The following GABRB1 variants were observed in gnomAD, a reference collection of about 807,000 sequenced individuals.
GABRB1 encodes the protein gamma-aminobutyric acid type A receptor subunit beta1, also known as gamma-aminobutyric acid receptor subunit beta-1.
A neutral mutation model predicts 51.6 loss-of-function variants in GABRB1; 17 were observed. That is an observed-to-expected ratio of 0.33 (90% CI 0.23 to 0.49). GABRB1 has a LOEUF of 0.49. Among genes scored for constraint, GABRB1 ranks in the 20% least tolerant of loss-of-function variants. The probability of loss-of-function intolerance (pLI) is 0.99; values close to 1 mark genes in which losing one functional copy is unlikely to be tolerated. For missense variants in GABRB1, 410 were observed against 600.6 expected, an observed-to-expected ratio of 0.68 and a Z score of 3.32; for synonymous variants, 247 against 218.9, an observed-to-expected ratio of 1.13 and a Z score of -1.14.
intron 8 of GABRB1, among the ~76,000 whole-genome samples, chr4:47,411,473 A>G (rs1728759361): frequency 6.6e-6 from 1 of 152,214 alleles, no homozygotes; most frequent in African/African-American, 2.4e-5. Flanking sequence ...AGAACAGATT[A>G]GTGGTTGCCG....
intron 5 of GABRB1, among the ~76,000 whole-genome samples, chr4:47,386,957 A>C (rs905601740): frequency 1.2e-4 from 18 of 152,316 alleles, no homozygotes; most frequent in Admixed American, 1.0e-3. Context: ...AACAATTAGG[A>C]AAATATTAAA....
chr4:47,413,235 T>A (rs368468416), intron 8 of GABRB1, among the ~76,000 whole-genome samples: 1 of 152,234 alleles, frequency 6.6e-6, no homozygotes, highest in East Asian at 1.9e-4. Flanking sequence ...TCTGTCTAAA[T>A]AATTTATTTC....
At chr4:47,174,298 C>T (rs891526029) in intron 4 of GABRB1, among the ~76,000 whole-genome samples, 1 of 152,128 alleles carries the variant, frequency 6.6e-6, no homozygotes, top group Non-Finnish European at 1.5e-5. Flanking sequence ...AATGCCTGGC[C>T]TCAAGCAACC....
intron 1 of GABRB1, among the ~76,000 whole-genome samples, chr4:47,019,706 C>T (rs914056365): frequency 7.7e-5 from 11 of 142,398 alleles, no homozygotes; most frequent in Non-Finnish European, 1.7e-4. Context: ...TTCCTTCTTT[C>T]CTTCTTTCCT....
At chr4:47,342,813 A>G (rs986378496) in intron 5 of GABRB1, among the ~76,000 whole-genome samples, 1 of 152,160 alleles carries the variant, frequency 6.6e-6, no homozygotes, top group African/African-American at 2.4e-5. Flanking sequence ...AAGGGGTCCA[A>G]CAACCTTGTG....
At chr4:47,261,223 AG>A in intron 4 of GABRB1, among the ~76,000 whole-genome samples, 1 of 152,322 alleles carries the variant, frequency 6.6e-6, no homozygotes, top group African/African-American at 2.4e-5. Context: ...AAGGAAATAA[AG>A]GGTATTCAAT....
intron 1 of GABRB1, among the ~76,000 whole-genome samples, chr4:46,997,651 C>T (rs555849053): frequency 6.6e-5 from 10 of 152,020 alleles, no homozygotes; most frequent in Non-Finnish European, 1.3e-4. Flanking sequence ...ATATGTCCTC[C>T]AGGTTCATCC....
At chr4:47,180,877 A>G (rs1235807975) in intron 4 of GABRB1, among the ~76,000 whole-genome samples, 1 of 152,126 alleles carries the variant, frequency 6.6e-6, no homozygotes, top group East Asian at 1.9e-4. Flanking sequence ...GTTCATTTTC[A>G]CTATCTTTTG....
At chr4:47,384,514 C>A (rs1727716286) in intron 5 of GABRB1, among the ~76,000 whole-genome samples, 1 of 151,886 alleles carries the variant, frequency 6.6e-6, no homozygotes, top group African/African-American at 2.4e-5. Context: ...TCAGGATACA[C>A]ATGACTCTTC....
At chr4:47,057,323 A>G (rs1726657085) in intron 3 of GABRB1, among the ~76,000 whole-genome samples, 2 of 152,230 alleles carry the variant, frequency 1.3e-5, no homozygotes, top group Non-Finnish European at 2.9e-5. Context: ...AATAGCAGAC[A>G]TTTGTGAGTT....
Position 47,195,456 on chromosome 4 carries a change from TTAGATGATAGATAGATA to T in GABRB1, c.461+33988_461+34004del, listed in dbSNP as rs1719640402. On this transcript the variant is annotated intron_variant, in intron 4 of 8. Transcript: ENST00000295454. Reference sequence around the variant, plus strand: ...GATAGATAGATAGATGATAGATAGATTAGATGATAGATAGATAGATAGATAGATAGATAGATAGATAG... The same window carrying T: ...GATAGATAGATAGATGATAGATAGATGATAGATAGATAGATAGATAGATAG... Among the ~76,000 whole-genome samples the T allele has an allele frequency of 1.0e-3, 91 of 89,658 alleles. 1 individual carries two copies. Among genetic ancestry groups the T allele is most frequent in the Admixed American group, 4.6e-3 (38 of 8,336 alleles). 58.8% of individuals were successfully genotyped at this position (89,658 alleles called of 152,430 possible). A position where few individuals can be genotyped will look rare whatever the true frequency, so the allele number is the denominator to read the frequency against.
chr4:47,284,844 T>C (rs1309104967), intron 4 of GABRB1, among the ~76,000 whole-genome samples: 2 of 152,170 alleles, frequency 1.3e-5, no homozygotes, highest in Non-Finnish European at 2.9e-5. Flanking sequence ...AAATAAAACT[T>C]AAATCCTATA....
intron 1 of GABRB1, among the ~76,000 whole-genome samples, chr4:46,997,321 C>G (rs934003144): frequency 6.6e-6 from 1 of 151,706 alleles, no homozygotes; most frequent in Non-Finnish European, 1.5e-5. Context: ...GATCGAGTAC[C>G]TAAAATCTAC....
intron 4 of GABRB1, among the ~76,000 whole-genome samples, chr4:47,238,993 C>T (rs973556658): frequency 6.6e-6 from 1 of 152,164 alleles, no homozygotes; most frequent in Non-Finnish European, 1.5e-5. Context: ...TTATGGCTCA[C>T]AAAATTTTCA....
At chr4:47,336,092 A>G (rs1725688154) in intron 5 of GABRB1, among the ~76,000 whole-genome samples, 1 of 152,204 alleles carries the variant, frequency 6.6e-6, no homozygotes, top group Non-Finnish European at 1.5e-5. Context: ...AGTGGAAGAA[A>G]GCTGCAAGTA....
chr4:47,020,490 G>C (rs1182288970), intron 1 of GABRB1, among the ~76,000 whole-genome samples: 2 of 152,064 alleles, frequency 1.3e-5, no homozygotes, highest in African/African-American at 4.8e-5. Context: ...GTTTGAAATT[G>C]ATTTACAATG....
At chr4:47,350,495 C>T (rs2109997877) in intron 5 of GABRB1, among the ~76,000 whole-genome samples, 1 of 151,802 alleles carries the variant, frequency 6.6e-6, no homozygotes. Flanking sequence ...GCCTCAATTG[C>T]TTCATCTATA....
chr4:47,123,323 A>G (rs966657127), intron 3 of GABRB1, among the ~76,000 whole-genome samples: 9 of 129,662 alleles, frequency 6.9e-5, no homozygotes, highest in African/African-American at 2.6e-4. Flanking sequence ...AATATTATAT[A>G]TATTAGATAA....
chr4:47,302,068 A>G (rs1724283032), intron 4 of GABRB1, among the ~76,000 whole-genome samples: 1 of 152,152 alleles, frequency 6.6e-6, no homozygotes. Flanking sequence ...AAATTCGGAT[A>G]TGTACTTTGC....
Sources: gnomAD v4.1 joint callset for allele counts (sites outside exome capture counted in the v4.1 genomes callset) on GRCh38, gnomAD v4.1.1 for gene constraint, MANE v1.5 for transcripts, NCBI Gene and HGNC (gene_info 2026-07-23, HGNC 2026-07-21) for gene names.